RBM20: variants seen among roughly 807,000 people sequenced by gnomAD.
RBM20 encodes the protein RNA binding motif protein 20.
In RBM20, 51 loss-of-function variants were observed where a neutral mutation model predicts 110.1. That is an observed-to-expected ratio of 0.46 (90% CI 0.37 to 0.59). RBM20 has a LOEUF of 0.59. RBM20 is among the 20% of genes least tolerant of loss of function. The pLI is 0.00. For synonymous variants in RBM20, 589 were observed against 618.2 expected (o/e 0.95, Z 0.70); for missense variants, 1,512 against 1,574.9 (o/e 0.96, Z 0.68).
intron 1 of RBM20, among the ~76,000 whole-genome samples, chr10:110,767,579 G>A (rs949747477): frequency 1.3e-5 from 2 of 151,644 alleles, no homozygotes; most frequent in Admixed American, 6.5e-5. Context: ...AGACGGGGCG[G>A]TTGCCAGACG....
chr10:110,826,845 A>C (rs1844988085), intron 12 of RBM20, among the ~76,000 whole-genome samples: 1 of 152,008 alleles, frequency 6.6e-6, no homozygotes, highest in African/African-American at 2.4e-5. Context: ...CACCTGCCTC[A>C]GCCTCCCAAA....
At chr10:110,689,601 G>A (rs1003835389) in intron 1 of RBM20, among the ~76,000 whole-genome samples, 7 of 152,114 alleles carry the variant, frequency 4.6e-5, no homozygotes, top group African/African-American at 1.2e-4. Context: ...AAATCCACAC[G>A]GTTGTTCTGT....
chr10:110,810,709 T>C lies in RBM20; in HGVS notation c.1880+247T>C, dbSNP rs532148637. On this transcript the variant is annotated intron_variant, in intron 8 of 13. Coordinates refer to ENST00000369519, the MANE Select transcript of RBM20 (RefSeq NM_001134363.3). Reference sequence around the variant, plus strand: ...CTTCCCTTCAGCTCCTCACCCTTTGTTGGAAAATAATATAGGAAAAGGTCT... The same window carrying C: ...CTTCCCTTCAGCTCCTCACCCTTTGCTGGAAAATAATATAGGAAAAGGTCT... Among the ~76,000 whole-genome samples, 3 of 152,272 alleles carry C rather than the reference T, an allele frequency of 2.0e-5. No individual in the cohort carries two copies. The East Asian group carries it at 5.8e-4, about 29-fold the overall frequency.
chr10:110,809,432 T>A (rs898879955), intron 7 of RBM20, among the ~76,000 whole-genome samples: 2 of 152,158 alleles, frequency 1.3e-5, no homozygotes, highest in African/African-American at 4.8e-5. Context: ...AAGGGATGAA[T>A]TCTGCATAGT....
chr10:110,816,413 C>T (rs559084656), intron 9 of RBM20, among the ~76,000 whole-genome samples: 7 of 151,216 alleles, frequency 4.6e-5, no homozygotes, highest in Admixed American at 3.3e-4. Context: ...TCTTCTCCCT[C>T]CCCGCCACTG....
rs4918601 is a variant in RBM20 at position 110,830,824 on chromosome 10, G to A, written c.3452-237G>A. On this transcript the variant is annotated intron_variant, in intron 12 of 13. Transcript: ENST00000369519. Reference sequence around the variant, plus strand: ...GGAATGGCTAAGTGCTTACCACACCGCCGAGTCCATCCCTTACATTCACAA... The same window carrying A: ...GGAATGGCTAAGTGCTTACCACACCACCGAGTCCATCCCTTACATTCACAA... 0.43 allele frequency among the ~76,000 whole-genome samples: 65,906 copies of A among 151,968 alleles called. 15,015 individuals are homozygous for A. Among genetic ancestry groups the A allele is most frequent in the East Asian group, 0.59 (3,037 of 5,164 alleles).
intron 1 of RBM20, among the ~76,000 whole-genome samples, chr10:110,723,287 A>G (rs759835589): frequency 4.6e-5 from 7 of 152,154 alleles, no homozygotes; most frequent in Non-Finnish European, 8.8e-5. Context: ...CTAATTCCAG[A>G]ATATTTTTAT....
rs375075169 is a variant in RBM20 at position 110,704,594 on chromosome 10, C to G, written c.191+59949C>G. 5.9e-5 allele frequency among the ~76,000 whole-genome samples: 9 copies of G among 152,328 alleles called. No individual in the cohort carries two copies. The South Asian group carries it at 1.2e-3, about 21-fold the overall frequency. On this transcript the variant is annotated intron_variant, in intron 1 of 13. Transcript: ENST00000369519. ...TTGTTAAATAAATTAAAACAGACCA[C>G]TGGCTTTTACAATGTATCCAGGACT...
chr10:110,741,279 A>C (rs763318403), intron 1 of RBM20, among the ~76,000 whole-genome samples: 1 of 152,250 alleles, frequency 6.6e-6, no homozygotes, highest in Non-Finnish European at 1.5e-5. Context: ...AGGTAAAATA[A>C]GAAATCATCT....
At chr10:110,799,750 A>G in intron 6 of RBM20, 37 bp from the exon 7 acceptor site, 1 of 1,538,614 alleles carries the variant, frequency 6.5e-7, no homozygotes, top group South Asian at 1.2e-5. Flanking sequence ...AGACCATTAA[A>G]GTCAAGTCCA....
At chr10:110,651,058 C>A (rs1440121844) in intron 1 of RBM20, among the ~76,000 whole-genome samples, 1 of 152,196 alleles carries the variant, frequency 6.6e-6, no homozygotes, top group East Asian at 1.9e-4. Context: ...AGCCAATTAA[C>A]CTTTCTAATC....
Position 110,797,643 on chromosome 10 carries a change from A to G in RBM20, c.1663A>G (p.Asn555Asp), listed in dbSNP as rs376125913. Residue 555 changes from asparagine (N) to aspartate (D), a missense_variant, in exon 6 of 14, where the codon AAT becomes GAT. By Grantham distance (23) the Asn-to-Asp change is conservative. Coordinates refer to ENST00000369519, the MANE Select transcript of RBM20 (RefSeq NM_001134363.3). ...VTNYILMKST[N>D]QAFLEMAYTE... ...TAATTACATCCTCATGAAGTCGACTAATCAGGTAGGTCTGGGTACTTTCAC... is the reference window on the plus strand; with the variant it reads ...TAATTACATCCTCATGAAGTCGACTGATCAGGTAGGTCTGGGTACTTTCAC... 2 of 1,551,660 alleles carry G rather than the reference A, an allele frequency of 1.3e-6. No individual in the cohort carries two copies. The highest frequency in any genetic ancestry group is 2.4e-5 in the East Asian group (1 of 40,934).
At chr10:110,742,055 T>G (rs917639004) in intron 1 of RBM20, among the ~76,000 whole-genome samples, 1 of 152,204 alleles carries the variant, frequency 6.6e-6, no homozygotes, top group South Asian at 2.1e-4. Context: ...CAGTGAGTGC[T>G]CCACCCTTTT....
At chr10:110,829,050 C>T (rs1253984263) in intron 12 of RBM20, among the ~76,000 whole-genome samples, 4 of 152,274 alleles carry the variant, frequency 2.6e-5, no homozygotes, top group African/African-American at 9.6e-5. Flanking sequence ...TTAATAAAAA[C>T]CCCAGGGCTT....
intron 11 of RBM20, chr10:110,822,564 G>T: frequency 2.3e-6 from 1 of 443,840 alleles, no homozygotes; most frequent in Non-Finnish European, 4.5e-6. Context: ...TCTCTGCCAA[G>T]TGGAACTTAA....
At chr10:110,697,542 T>C (rs562085072) in intron 1 of RBM20, among the ~76,000 whole-genome samples, 15 of 152,336 alleles carry the variant, frequency 9.8e-5, no homozygotes, top group Middle Eastern at 3.4e-3. Context: ...GATTGAGGTA[T>C]TGTTTGTTGT....
chr10:110,702,362 CCAAACAAA>C (rs201786834), intron 1 of RBM20, among the ~76,000 whole-genome samples: 8 of 151,934 alleles, frequency 5.3e-5, no homozygotes, highest in East Asian at 3.9e-4. Context: ...CCCATCTCTA[CCAAACAAA>C]CAAACAAACA....
chr10:110,706,334 C>T (rs944818484), intron 1 of RBM20, among the ~76,000 whole-genome samples: 4 of 152,156 alleles, frequency 2.6e-5, no homozygotes, highest in Admixed American at 1.3e-4. Flanking sequence ...CATTGGCATA[C>T]AATAGGTTCT....
chr10:110,823,453 T>TCTTTGTTTTTG, intron 11 of RBM20, 27 bp from the exon 12 acceptor site: 2 of 862,600 alleles, frequency 2.3e-6, no homozygotes, highest in Non-Finnish European at 1.5e-6. Flanking sequence ...TTTTTTTTTT[T>TCTTTGTTTTTG]TTTTTGCCTT....
Sources: gnomAD v4.1 joint callset for allele counts (sites outside exome capture counted in the v4.1 genomes callset) on GRCh38, gnomAD v4.1.1 for gene constraint, MANE v1.5 for transcripts, NCBI Gene and HGNC (gene_info 2026-07-23, HGNC 2026-07-21) for gene names.